DENND1A: variants seen among roughly 807,000 people sequenced by gnomAD.
The protein encoded by DENND1A is DENN domain-containing protein 1A.
A neutral mutation model predicts 113.7 loss-of-function variants in DENND1A; 51 were observed. That is an observed-to-expected ratio of 0.45 (90% CI 0.36 to 0.57). The LOEUF (loss-of-function observed/expected upper bound fraction) is 0.57, where lower values mean the gene tolerates loss of function less well. DENND1A is among the 20% of genes least tolerant of loss of function. The pLI is 0.00. For missense variants in DENND1A, 1,258 were observed against 1,395.9 expected (o/e 0.90, Z 1.57); for synonymous variants, 565 against 570.8 (o/e 0.99, Z 0.14).
rs192960948 is a variant in DENND1A at position 123,572,919 on chromosome 9, G to A, written c.867+10250C>T. 5.3e-4 allele frequency among the ~76,000 whole-genome samples: 80 copies of A among 151,832 alleles called. No individual in the cohort carries two copies. In the Middle Eastern group the frequency reaches 0.017, roughly 32 times the overall value. ...ATATTTTTTTTCTAGTCATTTGATT[G>A]TTTTTGCTTCTATTTTTAGGTCTAT... On this transcript the variant is annotated intron_variant, in intron 12 of 23. Coordinates refer to ENST00000394215, the MANE Select transcript of DENND1A (RefSeq NM_001352964.2).
intron 13 of DENND1A, among the ~76,000 whole-genome samples, chr9:123,556,018 C>T (rs981810777): frequency 6.6e-6 from 1 of 152,206 alleles, no homozygotes; most frequent in African/African-American, 2.4e-5. Context: ...ATTGTGCCAG[C>T]TGTCACTGCT....
chr9:123,592,285 C>T (rs1273565469), intron 11 of DENND1A, among the ~76,000 whole-genome samples: 1 of 152,198 alleles, frequency 6.6e-6, no homozygotes, highest in Admixed American at 6.5e-5. Context: ...TATTATTATA[C>T]TCTCATGCTA....
At chr9:123,550,874 A>T (rs1174048473) in intron 13 of DENND1A, among the ~76,000 whole-genome samples, 2 of 152,218 alleles carry the variant, frequency 1.3e-5, no homozygotes, top group African/African-American at 2.4e-5. Flanking sequence ...CGGCCTAGCA[A>T]TTAAACTCAT....
intron 2 of DENND1A, among the ~76,000 whole-genome samples, chr9:123,851,160 T>A (rs1334752536): frequency 6.6e-6 from 1 of 152,210 alleles, no homozygotes; most frequent in Non-Finnish European, 1.5e-5. Context: ...TTTGTGCTCC[T>A]CCGTAATCTA....
chr9:123,722,260 G>C (rs904175423), intron 5 of DENND1A, among the ~76,000 whole-genome samples: 1 of 152,196 alleles, frequency 6.6e-6, no homozygotes, highest in African/African-American at 2.4e-5. Context: ...TTTCTAAGCA[G>C]CAAAGCATTC....
intron 5 of DENND1A, among the ~76,000 whole-genome samples, chr9:123,731,993 G>T (rs1412495558): frequency 6.6e-6 from 1 of 152,100 alleles, no homozygotes; most frequent in African/African-American, 2.4e-5. Context: ...TTAGGAAAAC[G>T]CAAATTAAAA....
intron 11 of DENND1A, among the ~76,000 whole-genome samples, chr9:123,593,198 T>C (rs568368568): frequency 4.6e-5 from 7 of 152,314 alleles, no homozygotes; most frequent in South Asian, 2.1e-4. Flanking sequence ...GTCAGGTAGA[T>C]TGGGCTTGGG....
intron 5 of DENND1A, among the ~76,000 whole-genome samples, chr9:123,710,886 T>C (rs2066539180): frequency 6.6e-6 from 1 of 152,046 alleles, no homozygotes; most frequent in African/African-American, 2.4e-5. Flanking sequence ...TTGGCCAGGC[T>C]GGGCTCAAAC....
chr9:123,906,094 C>G (rs1852765179), intron 1 of DENND1A, among the ~76,000 whole-genome samples: 2 of 152,150 alleles, frequency 1.3e-5, no homozygotes, highest in East Asian at 3.9e-4. Context: ...GAACAACCTG[C>G]TCCTGAATGA....
intron 5 of DENND1A, among the ~76,000 whole-genome samples, chr9:123,719,710 T>C (rs1329037912): frequency 6.6e-6 from 1 of 152,104 alleles, no homozygotes; most frequent in Non-Finnish European, 1.5e-5. Context: ...AGTCTAAACA[T>C]CAAATTCATT....
intron 1 of DENND1A, among the ~76,000 whole-genome samples, chr9:123,885,750 C>T (rs1406267023): frequency 2.6e-5 from 4 of 152,144 alleles, no homozygotes; most frequent in South Asian, 2.1e-4. Flanking sequence ...CTCAGTGCAC[C>T]GGAAGGGTCA....
At chr9:123,758,510 G>A (rs1451057362) in intron 4 of DENND1A, among the ~76,000 whole-genome samples, 3 of 152,138 alleles carry the variant, frequency 2.0e-5, no homozygotes, top group South Asian at 4.1e-4. Context: ...ATTGAAACTG[G>A]AAAGAAAACA....
chr9:123,618,901 C>T (rs578008858), intron 10 of DENND1A, among the ~76,000 whole-genome samples: 5 of 152,304 alleles, frequency 3.3e-5, no homozygotes, highest in South Asian at 4.1e-4. Flanking sequence ...ATAGACCTTT[C>T]GCTTTTTGCT....
chr9:123,913,399 C>T (rs1397171634), intron 1 of DENND1A, among the ~76,000 whole-genome samples: 1 of 152,006 alleles, frequency 6.6e-6, no homozygotes, highest in African/African-American at 2.4e-5. Context: ...AGAGGACATT[C>T]CAGGGTTATA....
chr9:123,778,745 T>C (rs1224680098), intron 3 of DENND1A, among the ~76,000 whole-genome samples: 2 of 152,122 alleles, frequency 1.3e-5, no homozygotes, highest in African/African-American at 4.8e-5. Flanking sequence ...CTTCAGGCTA[T>C]AGTCTGCCAA....
intron 10 of DENND1A, among the ~76,000 whole-genome samples, chr9:123,614,184 G>A (rs2060538165): frequency 6.6e-6 from 1 of 152,206 alleles, no homozygotes; most frequent in Non-Finnish European, 1.5e-5. Context: ...TCGCACAGCT[G>A]GTCAGTGGTG....
At chr9:123,750,502 T>G (rs1245383991) in intron 5 of DENND1A, among the ~76,000 whole-genome samples, 1 of 152,244 alleles carries the variant, frequency 6.6e-6, no homozygotes, top group Non-Finnish European at 1.5e-5. Context: ...TGGCCCATCC[T>G]CTATGTTCAG....
chr9:123,815,322 CCTAA>C lies in DENND1A; in HGVS notation c.89-22696_89-22693del, dbSNP rs1458239991. On this transcript the variant is annotated intron_variant, in intron 2 of 23. Coordinates refer to ENST00000394215, the MANE Select transcript of DENND1A (RefSeq NM_001352964.2). ...ACCACTGACCAGCAGACGAAATATTCCTAACTAATCAGCAAATGTGTAAAGTCTG... is the reference window on the plus strand; with the variant it reads ...ACCACTGACCAGCAGACGAAATATTCCTAATCAGCAAATGTGTAAAGTCTG... Among the ~76,000 whole-genome samples the C allele has an allele frequency of 9.8e-5, 15 of 152,318 alleles. No homozygotes were observed. In the East Asian group the frequency reaches 2.5e-3, roughly 25 times the overall value.
chr9:123,461,867 T>C (rs1419839232), intron 13 of DENND1A: 1 of 145,050 alleles, frequency 6.9e-6, no homozygotes, highest in Non-Finnish European at 1.5e-5. Flanking sequence ...GCATCAGATG[T>C]GTGAATTAGA....
Sources: allele counts gnomAD v4.1 joint callset (sites outside exome capture counted in the v4.1 genomes callset), GRCh38; gene constraint gnomAD v4.1.1; transcripts MANE v1.5; gene names NCBI Gene and HGNC (gene_info 2026-07-23, HGNC 2026-07-21).